The following PDZD2 variants were observed in gnomAD, a reference collection of about 807,000 sequenced individuals.
PDZD2 encodes the protein PDZ domain containing 2.
A neutral mutation model predicts 220.7 loss-of-function variants in PDZD2; 90 were observed. The ratio of observed to expected loss-of-function variants is 0.41; its 90% confidence interval spans 0.34 to 0.49. The LOEUF (loss-of-function observed/expected upper bound fraction) is 0.49. Ranked by LOEUF, PDZD2 falls within the 20% of genes least tolerant of loss-of-function variation. The pLI is 0.28. For missense variants in PDZD2, 3,174 were observed against 3,608.5 expected (o/e 0.88, Z 3.08); for synonymous variants, 1,375 against 1,450.5 (o/e 0.95, Z 1.18).
chr5:31,816,651 C>T (rs1297262458), intron 2 of PDZD2, among the ~76,000 whole-genome samples: 2 of 151,814 alleles, frequency 1.3e-5, no homozygotes, highest in African/African-American at 4.8e-5. Flanking sequence ...TTAAATCTTC[C>T]AAAGAATTTT....
intron 2 of PDZD2, among the ~76,000 whole-genome samples, chr5:31,886,574 C>T (rs1309824626): frequency 2.0e-5 from 3 of 151,784 alleles, no homozygotes; most frequent in African/African-American, 7.3e-5. Context: ...GTGAAGGATG[C>T]TGAGATGTGT....
chr5:31,869,584 G>A (rs902090614), intron 2 of PDZD2, among the ~76,000 whole-genome samples: 1 of 151,256 alleles, frequency 6.6e-6, no homozygotes, highest in African/African-American at 2.4e-5. Flanking sequence ...AAAAACAAAA[G>A]AAAAAAGAAA....
At chr5:31,710,330 G>T (rs1235083188) in intron 1 of PDZD2, among the ~76,000 whole-genome samples, 1 of 152,168 alleles carries the variant, frequency 6.6e-6, no homozygotes, top group Non-Finnish European at 1.5e-5. Context: ...GTGGAGGTAA[G>T]TTTAAGTAAA....
intron 2 of PDZD2, among the ~76,000 whole-genome samples, chr5:31,863,408 AGTG>A (rs1737904405): frequency 6.6e-6 from 1 of 152,182 alleles, no homozygotes; most frequent in South Asian, 2.1e-4. Context: ...GCATCCCTGA[AGTG>A]GTGCCTGCCT....
intron 2 of PDZD2, among the ~76,000 whole-genome samples, chr5:31,867,750 C>T (rs539488434): frequency 1.1e-4 from 17 of 152,236 alleles, no homozygotes; most frequent in African/African-American, 4.1e-4. Context: ...GAGGTGAATC[C>T]TAGTTACTGA....
At chr5:32,010,754 T>C (rs1213551136) in intron 6 of PDZD2, 5 of 449,564 alleles carry the variant, frequency 1.1e-5, no homozygotes, top group African/African-American at 6.1e-5. Flanking sequence ...CCAGCACTTT[T>C]GGAGGCTGAG....
intron 2 of PDZD2, among the ~76,000 whole-genome samples, chr5:31,928,326 C>T (rs1349847623): frequency 3.9e-5 from 6 of 152,146 alleles, no homozygotes; most frequent in African/African-American, 1.4e-4. Context: ...GCCTTGGCCT[C>T]TCAAGGTGCT....
intron 1 of PDZD2, among the ~76,000 whole-genome samples, chr5:31,707,959 A>T (rs1747904590): frequency 6.6e-6 from 1 of 152,186 alleles, no homozygotes; most frequent in African/African-American, 2.4e-5. Context: ...GACTTGAAAC[A>T]ACCAATTCTG....
intron 2 of PDZD2, among the ~76,000 whole-genome samples, chr5:31,947,480 G>A (rs907755791): frequency 2.0e-5 from 3 of 152,052 alleles, no homozygotes; most frequent in Non-Finnish European, 2.9e-5. Context: ...CAACTTCACC[G>A]TCTATAAAAT....
intron 6 of PDZD2, among the ~76,000 whole-genome samples, chr5:32,017,075 GC>G (rs1753841959): frequency 6.6e-6 from 1 of 152,144 alleles, no homozygotes; most frequent in East Asian, 1.9e-4. Context: ...ATCCCGCAAT[GC>G]CCCCTGCATA....
intron 6 of PDZD2, among the ~76,000 whole-genome samples, chr5:32,018,335 C>T (rs1442510055): frequency 2.6e-5 from 4 of 152,190 alleles, no homozygotes; most frequent in African/African-American, 7.2e-5. Context: ...AGGGGCTGGG[C>T]GATGCCCAGG....
At chr5:31,810,142 A>G (rs1023644094) in intron 2 of PDZD2, among the ~76,000 whole-genome samples, 1 of 152,148 alleles carries the variant, frequency 6.6e-6, no homozygotes, top group East Asian at 1.9e-4. Context: ...GGCCATTTTC[A>G]GCAATCCTGA....
intron 7 of PDZD2, among the ~76,000 whole-genome samples, chr5:32,042,271 A>G (rs1423358664): frequency 2.0e-5 from 3 of 149,802 alleles, no homozygotes; most frequent in Non-Finnish European, 4.4e-5. Context: ...AAAAAAAAAA[A>G]AAACATCTGG....
At chr5:31,990,014 T>G (rs1389010316) in intron 3 of PDZD2, among the ~76,000 whole-genome samples, 2 of 152,190 alleles carry the variant, frequency 1.3e-5, no homozygotes, top group Admixed American at 1.3e-4. Flanking sequence ...AGCATTTTGG[T>G]CTGATGACTA....
At chr5:32,026,706 A>T (rs1754694949) in intron 6 of PDZD2, among the ~76,000 whole-genome samples, 1 of 152,104 alleles carries the variant, frequency 6.6e-6, no homozygotes, top group Non-Finnish European at 1.5e-5. Flanking sequence ...CAGCCCCCAA[A>T]TCCAAAGAAT....
At chr5:31,977,022 GTT>G (rs982997145) in intron 2 of PDZD2, among the ~76,000 whole-genome samples, 1 of 143,400 alleles carries the variant, frequency 7.0e-6, no homozygotes, top group African/African-American at 2.5e-5. Context: ...GGCCAGTTTT[GTT>G]TTTTTTTTTT....
At chr5:32,026,381 G>A (rs560021097) in intron 6 of PDZD2, among the ~76,000 whole-genome samples, 20 of 152,038 alleles carry the variant, frequency 1.3e-4, no homozygotes, top group Admixed American at 6.5e-4. Flanking sequence ...AAAGCAATCC[G>A]CCCGCCTCCG....
chr5:31,798,908 A>C lies in PDZD2; in HGVS notation c.-341A>C. ...TCCCAGGTGTGAATGAGCCCAGGGA[A>C]GGACACACGGCCACTGCTGGAGGGA... On this transcript the variant is annotated 5_prime_UTR_variant, in exon 2 of 25. Transcript: ENST00000438447. 1 of 295,296 alleles carries C rather than the reference A, an allele frequency of 3.4e-6. No individual in the cohort carries two copies. 18.3% of individuals were successfully genotyped at this position (295,296 alleles called of 1,614,324 possible). A position where few individuals can be genotyped will look rare whatever the true frequency, so the allele number is the denominator to read the frequency against.
At chr5:31,865,099 A>C (rs967282690) in intron 2 of PDZD2, among the ~76,000 whole-genome samples, 2 of 151,910 alleles carry the variant, frequency 1.3e-5, no homozygotes, top group Non-Finnish European at 2.9e-5. Flanking sequence ...CGCCCGCCTC[A>C]GCCTCCCAAA....
Sources: gnomAD v4.1 joint callset for allele counts (sites outside exome capture counted in the v4.1 genomes callset) on GRCh38, gnomAD v4.1.1 for gene constraint, MANE v1.5 for transcripts, NCBI Gene and HGNC (gene_info 2026-07-23, HGNC 2026-07-21) for gene names.